The following ST6GALNAC3 variants were observed in gnomAD, a reference collection of about 807,000 sequenced individuals.
ST6GALNAC3 encodes the protein ST6 N-acetylgalactosaminide alpha-2,6-sialyltransferase 3, also known as alpha-N-acetylgalactosaminide alpha-2,6-sialyltransferase 3.
In ST6GALNAC3, 25 loss-of-function variants were observed where a neutral mutation model predicts 32.7. That is an observed-to-expected ratio of 0.76 (90% CI 0.56 to 1.07). ST6GALNAC3 has a LOEUF of 1.07. Among genes scored for constraint, ST6GALNAC3 ranks in the 50% least tolerant of loss-of-function variants. The pLI is 0.00. For missense variants in ST6GALNAC3, 355 were observed against 382.4 expected, an observed-to-expected ratio of 0.93 and a Z score of 0.60; for synonymous variants, 129 against 133.1, an observed-to-expected ratio of 0.97 and a Z score of 0.21.
chr1:76,321,065 G>T (rs1646958764), intron 2 of ST6GALNAC3, among the ~76,000 whole-genome samples: 1 of 151,948 alleles, frequency 6.6e-6, no homozygotes, highest in South Asian at 2.1e-4. Flanking sequence ...CTTTATTAGA[G>T]AAGGTGGCCC....
chr1:76,424,516 C>T (rs1444591385), intron 3 of ST6GALNAC3, among the ~76,000 whole-genome samples: 5 of 151,830 alleles, frequency 3.3e-5, no homozygotes, highest in Admixed American at 3.3e-4. Flanking sequence ...GAACATTTTT[C>T]TCTATTAAGC....
At chr1:76,272,089 A>G (rs1409969602) in intron 1 of ST6GALNAC3, among the ~76,000 whole-genome samples, 2 of 152,006 alleles carry the variant, frequency 1.3e-5, no homozygotes, top group Admixed American at 6.6e-5. Flanking sequence ...GCACTTTGGG[A>G]GGGTGAGGTG....
Position 76,535,835 on chromosome 1 carries a change from A to T in ST6GALNAC3, c.624-91617A>T, listed in dbSNP as rs529857501. Among the ~76,000 whole-genome samples, 406 of 152,092 alleles carry T rather than the reference A, an allele frequency of 2.7e-3. 1 individual carries two copies. The highest frequency in any genetic ancestry group is 6.8e-3 in the Middle Eastern group (2 of 294). On this transcript the variant is annotated intron_variant, in intron 3 of 4. Transcript: ENST00000328299. ...GGCTATTTTTTTTTTCTCTAGGTCG[A>T]GAGGTAAAGTTATTTGTCTTAAAGA...
intron 3 of ST6GALNAC3, among the ~76,000 whole-genome samples, chr1:76,608,248 CAAAT>C (rs1046178045): frequency 2.0e-5 from 3 of 151,930 alleles, no homozygotes; most frequent in African/African-American, 7.3e-5. Flanking sequence ...GAAAATACTT[CAAAT>C]AAATAGAGGA....
At chr1:76,523,189 AGAAC>A (rs1395815569) in intron 3 of ST6GALNAC3, among the ~76,000 whole-genome samples, 1 of 152,210 alleles carries the variant, frequency 6.6e-6, no homozygotes, top group Non-Finnish European at 1.5e-5. Flanking sequence ...CCAACTAGAT[AGAAC>A]ATGACTGGTT....
At chr1:76,598,190 A>G (rs1028019508) in intron 3 of ST6GALNAC3, among the ~76,000 whole-genome samples, 14 of 151,990 alleles carry the variant, frequency 9.2e-5, no homozygotes, top group African/African-American at 3.1e-4. Flanking sequence ...TGAGGGCTCC[A>G]CTCTCACAGC....
rs183175388 is a variant in ST6GALNAC3 at position 76,544,025 on chromosome 1, C to T, written c.624-83427C>T. ...AATCAAAGCTAGATATAGCCCATGACCTCAAGCATCATATAGTCTAGTGGG... is the reference window on the plus strand; with the variant it reads ...AATCAAAGCTAGATATAGCCCATGATCTCAAGCATCATATAGTCTAGTGGG... On this transcript the variant is annotated intron_variant, in intron 3 of 4. Coordinates refer to ENST00000328299, the MANE Select transcript of ST6GALNAC3 (RefSeq NM_152996.4). Among the ~76,000 whole-genome samples, 49 of 151,570 alleles carry T rather than the reference C, an allele frequency of 3.2e-4. No individual in the cohort carries two copies. The East Asian group carries it at 8.9e-3, about 28-fold the overall frequency.
intron 1 of ST6GALNAC3, among the ~76,000 whole-genome samples, chr1:76,248,038 C>T (rs1657405311): frequency 6.6e-6 from 1 of 152,108 alleles, no homozygotes; most frequent in Non-Finnish European, 1.5e-5. Flanking sequence ...CACAGTCCTT[C>T]ATGGCTTCTC....
intron 3 of ST6GALNAC3, among the ~76,000 whole-genome samples, chr1:76,505,132 T>C (rs1334426615): frequency 6.6e-6 from 1 of 151,906 alleles, no homozygotes; most frequent in Non-Finnish European, 1.5e-5. Flanking sequence ...CCAAAGCTTT[T>C]TTTTTTTTTC....
chr1:76,341,686 T>TTCCTTCCTTCC (rs1342318656), intron 2 of ST6GALNAC3, among the ~76,000 whole-genome samples: 6 of 117,008 alleles, frequency 5.1e-5, no homozygotes, highest in African/African-American at 2.1e-4. Flanking sequence ...TCTTTCCTTC[T>TTCCTTCCTTCC]TTCTTTCTTT....
intron 3 of ST6GALNAC3, among the ~76,000 whole-genome samples, chr1:76,581,137 A>C (rs1178513016): frequency 2.0e-5 from 3 of 152,096 alleles, no homozygotes; most frequent in Non-Finnish European, 2.9e-5. Flanking sequence ...AAACCACTAA[A>C]TATTGTTTTT....
chr1:76,123,138 G>A (rs1191724901), intron 1 of ST6GALNAC3, among the ~76,000 whole-genome samples: 2 of 152,132 alleles, frequency 1.3e-5, no homozygotes, highest in Non-Finnish European at 2.9e-5. Context: ...TTGGAAGGCC[G>A]AGGCAGGTGG....
intron 3 of ST6GALNAC3, among the ~76,000 whole-genome samples, chr1:76,570,508 C>G (rs569052351): frequency 1.1e-4 from 16 of 152,204 alleles, no homozygotes; most frequent in South Asian, 2.1e-4. Flanking sequence ...TAAAACTCTT[C>G]TATACTTCAT....
chr1:76,237,402 G>A (rs1420151617), intron 1 of ST6GALNAC3, among the ~76,000 whole-genome samples: 4 of 152,184 alleles, frequency 2.6e-5, no homozygotes, highest in Non-Finnish European at 5.9e-5. Context: ...AAAATGCTGG[G>A]ATTACATACG....
chr1:76,610,774 A>G (rs190492184), intron 3 of ST6GALNAC3, among the ~76,000 whole-genome samples: 113 of 152,288 alleles, frequency 7.4e-4, no homozygotes, highest in Non-Finnish European at 1.4e-3. Flanking sequence ...CAATATTATT[A>G]TAGTCAAAAT....
chr1:76,203,985 A>G (rs1265891520), intron 1 of ST6GALNAC3, among the ~76,000 whole-genome samples: 9 of 152,200 alleles, frequency 5.9e-5, no homozygotes, highest in South Asian at 4.1e-4. Context: ...TATTTTTTCT[A>G]TCAAACAGGG....
At chr1:76,114,120 G>T (rs966637955) in intron 1 of ST6GALNAC3, among the ~76,000 whole-genome samples, 2 of 151,010 alleles carry the variant, frequency 1.3e-5, no homozygotes, top group African/African-American at 4.9e-5. Flanking sequence ...TGGGATTACA[G>T]ACATGAGTCA....
chr1:76,296,180 C>T (rs147853644), intron 1 of ST6GALNAC3, among the ~76,000 whole-genome samples: 227 of 152,096 alleles, frequency 1.5e-3, no homozygotes, highest in African/African-American at 5.2e-3. Context: ...TCTTTAACAT[C>T]CATGGTTGCC....
chr1:76,089,466 C>G (rs185268938), intron 1 of ST6GALNAC3, among the ~76,000 whole-genome samples: 105 of 152,268 alleles, frequency 6.9e-4, no homozygotes, highest in Non-Finnish European at 7.9e-4. Context: ...CGGGTAATTT[C>G]AAACAGAACT....
Sources: gnomAD v4.1 joint callset for allele counts (sites outside exome capture counted in the v4.1 genomes callset) on GRCh38, gnomAD v4.1.1 for gene constraint, MANE v1.5 for transcripts, NCBI Gene and HGNC (gene_info 2026-07-23, HGNC 2026-07-21) for gene names.